The following LRRC3B variants were observed in gnomAD, a reference collection of about 807,000 sequenced individuals.
LRRC3B encodes the protein leucine rich repeat containing 3B.
Under a neutral mutation model 12.8 loss-of-function variants are expected in LRRC3B, and 2 were observed. The ratio of observed to expected loss-of-function variants is 0.16; its 90% CI spans 0.06 to 0.49. The LOEUF (loss-of-function observed/expected upper bound fraction) is 0.49. LRRC3B is among the 20% of genes least tolerant of loss of function. The pLI is 0.96. For synonymous variants in LRRC3B, 132 were observed against 122.0 expected (o/e 1.08, Z -0.54); for missense variants, 189 against 319.4 (o/e 0.59, Z 3.11).
At chr3:26,623,276 G>C (rs552871832) in intron 1 of LRRC3B, 39 bp downstream of exon 1, 10 of 152,450 alleles carry the variant, frequency 6.6e-5, no homozygotes, top group Admixed American at 2.0e-4. Flanking sequence ...CAGAGCGCGG[G>C]ATCATCCCTC....
chr3:26,704,001 G>A (rs1575180156), intron 1 of LRRC3B, among the ~76,000 whole-genome samples: 1 of 151,914 alleles, frequency 6.6e-6, no homozygotes, highest in South Asian at 2.1e-4. Context: ...AATTAAAACT[G>A]TACAAAAGAA....
intron 1 of LRRC3B, among the ~76,000 whole-genome samples, chr3:26,673,731 C>A (rs1008383886): frequency 6.6e-6 from 1 of 152,166 alleles, no homozygotes; most frequent in African/African-American, 2.4e-5. Context: ...ATATTATCTC[C>A]ATCCTTACCT....
chr3:26,638,886 T>C (rs965595915), intron 1 of LRRC3B, among the ~76,000 whole-genome samples: 2 of 152,194 alleles, frequency 1.3e-5, no homozygotes, highest in African/African-American at 4.8e-5. Context: ...GAACACCAGA[T>C]TGGGACTTGA....
chr3:26,682,948 G>C (rs914097466), intron 1 of LRRC3B, among the ~76,000 whole-genome samples: 1 of 152,090 alleles, frequency 6.6e-6, no homozygotes, highest in African/African-American at 2.4e-5. Flanking sequence ...TCTCTCACAG[G>C]CATTCTGCAG....
At chr3:26,701,990 G>A (rs1700467774) in intron 1 of LRRC3B, among the ~76,000 whole-genome samples, 1 of 152,120 alleles carries the variant, frequency 6.6e-6, no homozygotes, top group South Asian at 2.1e-4. Context: ...TACCTGATGT[G>A]TAATAAATGC....
intron 1 of LRRC3B, among the ~76,000 whole-genome samples, chr3:26,703,849 T>C (rs1425949157): frequency 6.6e-6 from 1 of 152,046 alleles, no homozygotes; most frequent in African/African-American, 2.4e-5. Context: ...TTGGCCACCA[T>C]TGTTCAACTC....
intron 1 of LRRC3B, among the ~76,000 whole-genome samples, chr3:26,686,139 G>A (rs1700084004): frequency 6.6e-6 from 1 of 151,998 alleles, no homozygotes; most frequent in African/African-American, 2.4e-5. Flanking sequence ...GAGTGCAGTG[G>A]TGCAATTGTG....
chr3:26,650,827 C>T (rs1170771723), intron 1 of LRRC3B, among the ~76,000 whole-genome samples: 3 of 152,144 alleles, frequency 2.0e-5, no homozygotes, highest in Admixed American at 6.6e-5. Flanking sequence ...ATCTACTCGA[C>T]GGTAAGTGCA....
At chr3:26,657,754 A>C (rs1422679916) in intron 1 of LRRC3B, among the ~76,000 whole-genome samples, 11 of 151,980 alleles carry the variant, frequency 7.2e-5, no homozygotes, top group Admixed American at 5.9e-4. Flanking sequence ...CATTTGACAG[A>C]GGGATGATTG....
exon 2 of LRRC3B, chr3:26,709,697 A>T (rs1453657703): frequency 6.2e-7 from 1 of 1,613,922 alleles, no homozygotes; most frequent in Non-Finnish European, 8.5e-7. Flanking sequence ...CCTGTGGTTA[A>T]CCCGTTCCCT....
At chr3:26,648,361 A>G (rs538278483) in intron 1 of LRRC3B, among the ~76,000 whole-genome samples, 1 of 152,162 alleles carries the variant, frequency 6.6e-6, no homozygotes, top group Admixed American at 6.5e-5. Flanking sequence ...CTTCCCTGAC[A>G]CCTTGTAGAT....
chr3:26,641,791 TA>T (rs150760092), intron 1 of LRRC3B, among the ~76,000 whole-genome samples: 5,199 of 152,236 alleles, frequency 0.034, 170 homozygotes, highest in East Asian at 0.13. Context: ...ATCAAATTTT[TA>T]AAAAATTAAA....
At chr3:26,666,884 T>C (rs911840689) in intron 1 of LRRC3B, among the ~76,000 whole-genome samples, 9 of 152,170 alleles carry the variant, frequency 5.9e-5, no homozygotes, top group Non-Finnish European at 1.3e-4. Context: ...TCAGGTATTT[T>C]GTAGAATAGA....
At chr3:26,709,177 G>C (rs1700684740) in intron 1 of LRRC3B, among the ~76,000 whole-genome samples, 1 of 152,184 alleles carries the variant, frequency 6.6e-6, no homozygotes, top group Non-Finnish European at 1.5e-5. Context: ...GAAAGGGTGA[G>C]AGACATAATT....
chr3:26,627,860 G>A (rs903691379), intron 1 of LRRC3B, among the ~76,000 whole-genome samples: 1 of 152,168 alleles, frequency 6.6e-6, no homozygotes, highest in African/African-American at 2.4e-5. Context: ...GGGGATACCG[G>A]CTTAGTTGAG....
At chr3:26,646,286 G>T (rs1699141788) in intron 1 of LRRC3B, among the ~76,000 whole-genome samples, 1 of 152,066 alleles carries the variant, frequency 6.6e-6, no homozygotes, top group African/African-American at 2.4e-5. Context: ...ATTATTATCT[G>T]CTTTTACTAA....
At chr3:26,674,451 C>T (rs1457215429) in intron 1 of LRRC3B, among the ~76,000 whole-genome samples, 1 of 151,738 alleles carries the variant, frequency 6.6e-6, no homozygotes, top group African/African-American at 2.4e-5. Context: ...TACTTGGCTT[C>T]TATTCTTGTG....
At chr3:26,662,636 C>T (rs1247810374) in intron 1 of LRRC3B, among the ~76,000 whole-genome samples, 1 of 151,980 alleles carries the variant, frequency 6.6e-6, no homozygotes, top group Admixed American at 6.6e-5. Flanking sequence ...TTAACATTAC[C>T]CTTGTTTTAT....
intron 1 of LRRC3B, among the ~76,000 whole-genome samples, chr3:26,678,794 G>A (rs957677079): frequency 6.6e-6 from 1 of 152,114 alleles, no homozygotes; most frequent in African/African-American, 2.4e-5. Context: ...AAGCCTTAGA[G>A]AATAAAGAGA....
Sources: gnomAD v4.1 joint callset for allele counts (sites outside exome capture counted in the v4.1 genomes callset) on GRCh38, gnomAD v4.1.1 for gene constraint, MANE v1.5 for transcripts, NCBI Gene and HGNC (gene_info 2026-07-23, HGNC 2026-07-21) for gene names.